The following ZFPM2 variants were observed in gnomAD, a reference collection of about 807,000 sequenced individuals.
ZFPM2 encodes the protein zinc finger protein ZFPM2.
Under a neutral mutation model 98.6 loss-of-function variants are expected in ZFPM2, and 20 were observed. That is an observed-to-expected ratio of 0.20 (90% CI 0.14 to 0.29). ZFPM2 has a LOEUF of 0.29. Among genes scored for constraint, ZFPM2 ranks in the 10% least tolerant of loss-of-function variants. ZFPM2 has a pLI of 1.00. For missense variants in ZFPM2, 1,310 were observed against 1,388.6 expected, an observed-to-expected ratio of 0.94 and a Z score of 0.90; for synonymous variants, 518 against 502.7, an observed-to-expected ratio of 1.03 and a Z score of -0.41.
intron 3 of ZFPM2, among the ~76,000 whole-genome samples, chr8:105,472,622 C>A (rs553660845): frequency 6.6e-6 from 1 of 152,240 alleles, no homozygotes; most frequent in South Asian, 2.1e-4. Flanking sequence ...CCTGCCTCAG[C>A]CTCCCGAGTA....
chr8:105,626,751 A>G (rs1392373607), intron 4 of ZFPM2, among the ~76,000 whole-genome samples: 1 of 152,194 alleles, frequency 6.6e-6, no homozygotes, highest in East Asian at 1.9e-4. Flanking sequence ...AAAGAGCAGT[A>G]TTTAGCCAAA....
At chr8:105,610,698 A>C (rs1013356632) in intron 4 of ZFPM2, among the ~76,000 whole-genome samples, 1 of 152,204 alleles carries the variant, frequency 6.6e-6, no homozygotes, top group South Asian at 2.1e-4. Context: ...AGTGTCCAAA[A>C]GAGTGGACCA....
At chr8:105,688,249 A>G (rs573419644) in intron 5 of ZFPM2, among the ~76,000 whole-genome samples, 1 of 152,232 alleles carries the variant, frequency 6.6e-6, no homozygotes, top group Admixed American at 6.5e-5. Flanking sequence ...AGTTCTGATG[A>G]TCTGTACAAT....
intron 5 of ZFPM2, among the ~76,000 whole-genome samples, chr8:105,709,308 CT>C (rs1356102301): frequency 6.6e-6 from 1 of 152,126 alleles, no homozygotes; most frequent in African/African-American, 2.4e-5. Context: ...AAAAACATGG[CT>C]ATTTTTGTCC....
intron 5 of ZFPM2, among the ~76,000 whole-genome samples, chr8:105,666,698 G>T (rs1341986529): frequency 6.6e-6 from 1 of 152,160 alleles, no homozygotes; most frequent in Non-Finnish European, 1.5e-5. Context: ...ATTGGCATTT[G>T]CACTGATGGT....
intron 5 of ZFPM2, among the ~76,000 whole-genome samples, chr8:105,727,798 A>G (rs1010572790): frequency 6.6e-6 from 1 of 151,746 alleles, no homozygotes; most frequent in African/African-American, 2.4e-5. Flanking sequence ...ATAGAAAGGA[A>G]GGAAGTTATC....
rs117536309 is a variant in ZFPM2 at position 105,448,075 on chromosome 8, A to G, written c.301+3694A>G. 2.4e-4 allele frequency among the ~76,000 whole-genome samples: 37 copies of G among 152,160 alleles called. 1 individual carries two copies. Among genetic ancestry groups the G allele is most frequent in the East Asian group, 2.3e-3 (12 of 5,182 alleles). On this transcript the variant is annotated intron_variant, in intron 3 of 7. Coordinates refer to ENST00000407775, the MANE Select transcript of ZFPM2 (RefSeq NM_012082.4). ...CTGTTTAAGTATACTTCAAATTCCTATGAATCTTTCATGGTTTGAGTGAAA... is the reference window on the plus strand; with the variant it reads ...CTGTTTAAGTATACTTCAAATTCCTGTGAATCTTTCATGGTTTGAGTGAAA...
chr8:105,779,148 G>T (rs1217132722), intron 5 of ZFPM2, among the ~76,000 whole-genome samples: 1 of 151,946 alleles, frequency 6.6e-6, no homozygotes, highest in African/African-American at 2.4e-5. Flanking sequence ...GGATGTATGC[G>T]GTTTGTTTGC....
chr8:105,614,510 C>T (rs976791455), intron 4 of ZFPM2, among the ~76,000 whole-genome samples: 5 of 152,048 alleles, frequency 3.3e-5, no homozygotes, highest in African/African-American at 1.2e-4. Context: ...ATTTTAAGAT[C>T]ATTATGCATA....
intron 3 of ZFPM2, among the ~76,000 whole-genome samples, chr8:105,507,832 A>G (rs1813734899): frequency 6.6e-6 from 1 of 152,168 alleles, no homozygotes; most frequent in Non-Finnish European, 1.5e-5. Flanking sequence ...TGCCCTATAT[A>G]ATCAGAAAAC....
At chr8:105,473,270 T>C (rs1303948143) in intron 3 of ZFPM2, among the ~76,000 whole-genome samples, 2 of 152,172 alleles carry the variant, frequency 1.3e-5, no homozygotes. Flanking sequence ...CTTTCTCTCT[T>C]TTGTGGGGAC....
At chr8:105,489,417 A>ATATTTTATATATATTTATAGATATT (rs1813307410) in intron 3 of ZFPM2, among the ~76,000 whole-genome samples, 1 of 145,858 alleles carries the variant, frequency 6.9e-6, no homozygotes, top group African/African-American at 2.5e-5. Flanking sequence ...TTATAGATAT[A>ATATTTTATATATATTTATAGATATT]TCTTTTATAT....
intron 2 of ZFPM2, among the ~76,000 whole-genome samples, chr8:105,431,199 C>T (rs1812013286): frequency 6.6e-6 from 1 of 152,110 alleles, no homozygotes. Context: ...TGAGCCACCA[C>T]ACCTGGCCCA....
At chr8:105,574,646 G>C (rs1458214774) in intron 4 of ZFPM2, among the ~76,000 whole-genome samples, 1 of 152,134 alleles carries the variant, frequency 6.6e-6, no homozygotes, top group Non-Finnish European at 1.5e-5. Flanking sequence ...TGGAAGAGCA[G>C]AGGCACGTCA....
At chr8:105,644,926 T>C (rs751269618) in intron 5 of ZFPM2, among the ~76,000 whole-genome samples, 41 of 152,180 alleles carry the variant, frequency 2.7e-4, no homozygotes, top group Non-Finnish European at 5.0e-4. Context: ...TTCCAACATA[T>C]ACATTTTGGG....
chr8:105,754,940 T>G (rs1399281877), intron 5 of ZFPM2, among the ~76,000 whole-genome samples: 1 of 140,400 alleles, frequency 7.1e-6, no homozygotes, highest in Non-Finnish European at 1.5e-5. Flanking sequence ...TCTGGAGAAA[T>G]TTAATATGTG....
At chr8:105,658,031 T>A (rs1817318238) in intron 5 of ZFPM2, among the ~76,000 whole-genome samples, 1 of 152,200 alleles carries the variant, frequency 6.6e-6, no homozygotes, top group African/African-American at 2.4e-5. Flanking sequence ...GTGCTTCCAT[T>A]GTATGACTAT....
intron 5 of ZFPM2, among the ~76,000 whole-genome samples, chr8:105,766,039 T>C (rs919058919): frequency 6.6e-6 from 1 of 151,936 alleles, no homozygotes; most frequent in African/African-American, 2.4e-5. Context: ...TACTCTGTTA[T>C]GTGGTTTGAG....
intron 4 of ZFPM2, among the ~76,000 whole-genome samples, chr8:105,571,415 T>C (rs1815352005): frequency 6.6e-6 from 1 of 152,196 alleles, no homozygotes; most frequent in Admixed American, 6.5e-5. Context: ...AAAATATCAA[T>C]CTTGAAATGT....
Sources: gnomAD v4.1 joint callset for allele counts (sites outside exome capture counted in the v4.1 genomes callset) on GRCh38, gnomAD v4.1.1 for gene constraint, MANE v1.5 for transcripts, NCBI Gene and HGNC (gene_info 2026-07-23, HGNC 2026-07-21) for gene names.